Variants in RGS6 observed in about 807,000 individuals in gnomAD.
The protein encoded by RGS6 is regulator of G protein signaling 6.
A neutral mutation model predicts 78.5 loss-of-function variants in RGS6; 30 were observed. The observed-to-expected ratio is 0.38, with a 90% confidence interval of 0.29 to 0.52. RGS6 has a LOEUF of 0.52. RGS6 is among the 20% of genes least tolerant of loss of function. The probability of loss-of-function intolerance (pLI) is 0.85; values close to 1 mark genes in which losing one functional copy is unlikely to be tolerated. For synonymous variants in RGS6, 206 were observed against 206.0 expected, an observed-to-expected ratio of 1.00 and a Z score of 0.00; for missense variants, 495 against 609.7, an observed-to-expected ratio of 0.81 and a Z score of 1.98.
the RGS6 span, among the ~76,000 whole-genome samples, chr14:72,588,161 A>C: frequency 6.6e-6 from 1 of 152,208 alleles, no homozygotes. Flanking sequence ...ACGAGCTCTC[A>C]TCTGGAAGCC....
the RGS6 span, among the ~76,000 whole-genome samples, chr14:72,628,910 T>A: frequency 6.6e-6 from 1 of 152,202 alleles, no homozygotes; most frequent in Admixed American, 6.5e-5. Context: ...TATGTGTTAT[T>A]TAAAGAAGCT....
the RGS6 span, among the ~76,000 whole-genome samples, chr14:71,881,773 A>T: frequency 6.6e-6 from 1 of 152,212 alleles, no homozygotes; most frequent in Admixed American, 6.5e-5. Context: ...GGCTGACACA[A>T]TGTAGGAGAC....
chr14:71,981,055 G>T (rs1016138217), intron 2 of RGS6, among the ~76,000 whole-genome samples: 1 of 147,280 alleles, frequency 6.8e-6, no homozygotes, highest in Non-Finnish European at 1.5e-5. Flanking sequence ...TGATCGCATC[G>T]GCTCCTGAGG....
At chr14:72,283,283 A>C (rs1355735392) in intron 2 of RGS6, among the ~76,000 whole-genome samples, 1 of 152,170 alleles carries the variant, frequency 6.6e-6, no homozygotes. Context: ...TATTTTGGCT[A>C]TATACCCAGA....
chr14:72,499,308 C>T (rs1360775983), intron 13 of RGS6, among the ~76,000 whole-genome samples: 2 of 152,142 alleles, frequency 1.3e-5, no homozygotes, highest in African/African-American at 4.8e-5. Context: ...CCTTACTGTC[C>T]ATATGAGAAG....
At chr14:71,933,302 G>T (rs1017600071) in intron 1 of RGS6, 2 of 152,212 alleles carry the variant, frequency 1.3e-5, no homozygotes, top group African/African-American at 4.8e-5. Flanking sequence ...TGTGATCGCA[G>T]GTAGGGCAGC....
chr14:72,565,466 T>A lies in RGS6; in HGVS notation c.*2999T>A, dbSNP rs1300184804. 1 of 151,990 alleles carries A rather than the reference T, an allele frequency of 6.6e-6. No homozygotes were observed. The highest frequency in any genetic ancestry group is 1.5e-5 in the Non-Finnish European group (1 of 67,994). 9.4% of individuals were successfully genotyped at this position (151,990 alleles called of 1,614,324 possible). A position where few individuals can be genotyped will look rare whatever the true frequency, so the allele number is the denominator to read the frequency against. On this transcript the variant is annotated 3_prime_UTR_variant, in exon 18 of 18. Coordinates refer to ENST00000553525, the MANE Select transcript of RGS6 (RefSeq NM_001204424.2). ...TGGGCTGGGGAGGAGCCTCCTGCCC[T>A]TCTAGAAAGTGATGCGTCAGCTTTG...
chr14:72,029,477 C>T (rs148664084), intron 2 of RGS6, among the ~76,000 whole-genome samples: 136 of 152,292 alleles, frequency 8.9e-4, no homozygotes, highest in Non-Finnish European at 1.1e-3. Flanking sequence ...AAGTTCCCTC[C>T]GTGTATTCTG....
chr14:72,467,289 G>A (rs749393469), intron 7 of RGS6, among the ~76,000 whole-genome samples: 12 of 152,062 alleles, frequency 7.9e-5, no homozygotes, highest in Non-Finnish European at 1.6e-4. Flanking sequence ...ATGACTGAAG[G>A]GCCAGCAGCT....
At chr14:72,499,649 T>G (rs1349670906) in intron 13 of RGS6, among the ~76,000 whole-genome samples, 1 of 152,168 alleles carries the variant, frequency 6.6e-6, no homozygotes, top group Non-Finnish European at 1.5e-5. Flanking sequence ...GTTTAGTTTT[T>G]TTGGGGTTTT....
At chr14:72,085,392 C>T (rs953199090) in intron 2 of RGS6, among the ~76,000 whole-genome samples, 4 of 152,118 alleles carry the variant, frequency 2.6e-5, no homozygotes, top group African/African-American at 9.7e-5. Flanking sequence ...GAGGTATCAA[C>T]CTAGGATACC....
At chr14:72,545,960 G>C (rs905184938) in intron 17 of RGS6, among the ~76,000 whole-genome samples, 1 of 152,200 alleles carries the variant, frequency 6.6e-6, no homozygotes, top group Non-Finnish European at 1.5e-5. Flanking sequence ...GTGGACCCCA[G>C]GGTCGGTGTT....
At chr14:72,528,085 G>C (rs1266831460) in intron 15 of RGS6, among the ~76,000 whole-genome samples, 1 of 152,176 alleles carries the variant, frequency 6.6e-6, no homozygotes, top group Non-Finnish European at 1.5e-5. Flanking sequence ...GAGGAGTTCA[G>C]CTGCATGCTT....
chr14:71,873,328 A>G, the RGS6 span, among the ~76,000 whole-genome samples: 2 of 152,082 alleles, frequency 1.3e-5, no homozygotes, highest in Admixed American at 6.6e-5. Flanking sequence ...TTTAATGATC[A>G]CCATTCTAAC....
chr14:72,444,328 T>A (rs1442452070), intron 3 of RGS6, among the ~76,000 whole-genome samples: 1 of 152,000 alleles, frequency 6.6e-6, no homozygotes, highest in South Asian at 2.1e-4. Context: ...CAGGAAAGCT[T>A]TAAATATCAG....
intron 12 of RGS6, among the ~76,000 whole-genome samples, chr14:72,487,785 T>G (rs1418591251): frequency 6.6e-6 from 1 of 152,204 alleles, no homozygotes; most frequent in Non-Finnish European, 1.5e-5. Flanking sequence ...ACTCTTAGAA[T>G]TATAAGACAA....
chr14:71,876,304 A>C, the RGS6 span, among the ~76,000 whole-genome samples: 1 of 151,992 alleles, frequency 6.6e-6, no homozygotes, highest in Non-Finnish European at 1.5e-5. Flanking sequence ...GTCTCTAAGG[A>C]CTTGCTTTGT....
the RGS6 span, among the ~76,000 whole-genome samples, chr14:72,599,408 T>TTTTG: frequency 2.4e-4 from 28 of 115,694 alleles, 1 homozygote; most frequent in South Asian, 3.0e-3. Flanking sequence ...TTTTTTTTTT[T>TTTTG]TTTTTTTTTT....
intron 12 of RGS6, among the ~76,000 whole-genome samples, chr14:72,494,315 G>C (rs565766805): frequency 6.6e-6 from 1 of 152,120 alleles, no homozygotes; most frequent in Non-Finnish European, 1.5e-5. Flanking sequence ...GGAGGATCAC[G>C]TAAGAAAAGG....
Sources: gnomAD v4.1 joint callset for allele counts (sites outside exome capture counted in the v4.1 genomes callset) on GRCh38, gnomAD v4.1.1 for gene constraint, MANE v1.5 for transcripts, NCBI Gene and HGNC (gene_info 2026-07-23, HGNC 2026-07-21) for gene names.